Variants in PTCH1 observed in about 807,000 individuals in gnomAD.
The protein encoded by PTCH1 is patched 1, also known as protein patched homolog 1.
PTCH1 carries 14 observed loss-of-function variants against 144.6 expected under a neutral mutation model. The ratio of observed to expected loss-of-function variants is 0.10; its 90% CI spans 0.06 to 0.15. PTCH1 has a LOEUF of 0.15. Ranked by LOEUF, PTCH1 falls within the 10% of genes least tolerant of loss-of-function variation. The pLI is 1.00. For missense variants in PTCH1, 1,623 were observed against 1,948.3 expected, an observed-to-expected ratio of 0.83 and a Z score of 3.14; for synonymous variants, 833 against 793.6, an observed-to-expected ratio of 1.05 and a Z score of -0.83.
chr9:95,489,756 G>A (rs962255858), intron 2 of PTCH1, among the ~76,000 whole-genome samples: 1 of 151,708 alleles, frequency 6.6e-6, no homozygotes, highest in Non-Finnish European at 1.5e-5. Context: ...GTAGGCATAG[G>A]GAACCAAGTT....
chr9:95,516,826 T>C, exon 1 of PTCH1: 1 of 1,594,888 alleles, frequency 6.3e-7, no homozygotes. Flanking sequence ...TCCATGGCCC[T>C]CGGCGTGGGT....
At chr9:95,512,510 G>T (rs778056698), upstream of PTCH1, among the ~76,000 whole-genome samples, 1 of 152,150 alleles carries the variant, frequency 6.6e-6, no homozygotes, top group East Asian at 1.9e-4. Context: ...AAGCCTGCTC[G>T]ACTTGGGTGG....
intron 5 of PTCH1, 28 bp from the exon 6 acceptor site, chr9:95,480,616 A>G (rs1841462154): frequency 1.3e-6 from 2 of 1,596,882 alleles, no homozygotes; most frequent in Admixed American, 1.7e-5. Flanking sequence ...AGACGAGACC[A>G]TGAAAAGAGC....
intron 15 of PTCH1, among the ~76,000 whole-genome samples, chr9:95,465,955 CAGGAGAAAATTT>C (rs1268559214): frequency 6.6e-6 from 1 of 152,302 alleles, no homozygotes; most frequent in African/African-American, 2.4e-5. Context: ...TGCAGTCGGT[CAGGAGAAAATTT>C]AGACTTTTTT....
Position 95,508,869 on chromosome 9 carries a change from A to G in PTCH1, c.-508T>C. On this transcript the variant is annotated 5_prime_UTR_variant, in exon 1 of 24. Transcript: ENST00000331920. ...GGTCGCCCGAGCGGCCGCGGAGGGC[A>G]AGCGCAGAGCCGCCGCCGCCGCGGG... 12 of 968,944 alleles carry G rather than the reference A, an allele frequency of 1.2e-5. No individual in the cohort carries two copies. Among genetic ancestry groups the G allele is most frequent in the Non-Finnish European group, 1.5e-5 (12 of 816,966 alleles). 60.0% of individuals were successfully genotyped at this position (968,944 alleles called of 1,614,324 possible).
At chr9:95,479,910 G>T (rs1841390276) in intron 7 of PTCH1, 59 bp downstream of exon 7, 2 of 1,613,084 alleles carry the variant, frequency 1.2e-6, no homozygotes, top group African/African-American at 1.3e-5. Flanking sequence ...GGAGGGAAGT[G>T]GCTTTTGAGG....
chr9:95,496,729 A>AT (rs1476937521), intron 2 of PTCH1, among the ~76,000 whole-genome samples: 2 of 152,104 alleles, frequency 1.3e-5, no homozygotes, highest in African/African-American at 4.8e-5. Flanking sequence ...CATATTTATC[A>AT]TTTTTTACTT....
chr9:95,481,492 C>T lies in PTCH1; in HGVS notation c.746+457G>A, dbSNP rs926799617. The stretch of plus-strand genomic sequence containing the variant: ...GGCCTTCACAGATAGTGGATTTCCC[C>T]CTTAAATGCCATTAGTGTGATCTAA... On this transcript the variant is annotated intron_variant, in intron 5 of 23. Coordinates refer to ENST00000331920, the MANE Select transcript of PTCH1 (RefSeq NM_000264.5). Among the ~76,000 whole-genome samples the T allele has an allele frequency of 7.9e-5, 12 of 152,288 alleles. No individual in the cohort carries two copies. In the East Asian group the frequency reaches 1.2e-3, roughly 15 times the overall value.
chr9:95,469,738 TC>T, intron 13 of PTCH1, 74 bp downstream of exon 13: 1 of 1,363,884 alleles, frequency 7.3e-7, no homozygotes, highest in Non-Finnish European at 1.0e-6. Flanking sequence ...CCTTTATAAG[TC>T]CACAGGCTGA....
chr9:95,511,479 G>A (rs1220289595), upstream of PTCH1, among the ~76,000 whole-genome samples: 1 of 152,226 alleles, frequency 6.6e-6, no homozygotes, highest in Admixed American at 6.5e-5. Flanking sequence ...GGGTGGAGGT[G>A]TTTGGGGGCG....
rs786204224 is a variant in PTCH1 at position 95,459,705 on chromosome 9, T to C, written c.2782A>G (p.Ser928Gly). ...AFYIYLTAWV[S>G]NDPVAYAASQ... Reference sequence around the variant, plus strand: ...GCAGCATACGCGACGGGGTCGTTGCTGACCCAAGCCGTCAGGTAGATGTAG... The same window carrying C: ...GCAGCATACGCGACGGGGTCGTTGCCGACCCAAGCCGTCAGGTAGATGTAG... Residue 928 changes from serine (S) to glycine (G), a missense_variant, in exon 17 of 24, where the codon AGC becomes GGC. Ser to Gly is a moderately conservative substitution (Grantham distance 56, BLOSUM62 0). Transcript: ENST00000331920. 1.2e-6 allele frequency: 2 copies of C among 1,614,240 alleles called. No individual in the cohort carries two copies. Among genetic ancestry groups the C allele is most frequent in the Admixed American group, 1.7e-5 (1 of 60,034 alleles).
At chr9:95,506,673 C>G in intron 1 of PTCH1, 74 bp from the exon 2 acceptor site, 4 of 1,394,856 alleles carry the variant, frequency 2.9e-6, no homozygotes, top group Non-Finnish European at 3.8e-6. Context: ...CTTGCGCGCA[C>G]CCGCCCGGTG....
In PTCH1 at chr9:95,447,314, G is replaced by T. The variant is rs1406247800; in HGVS notation, c.3942C>A (p.Pro1314=). The T allele has an allele frequency of 6.2e-7, 1 of 1,613,294 alleles. No homozygotes were observed. Among genetic ancestry groups the T allele is most frequent in the Admixed American group, 1.7e-5 (1 of 60,032 alleles). Residue 1314 remains proline (P), a synonymous_variant, in exon 23 of 24, where the codon CCC becomes CCA. Transcript: ENST00000331920. ...AAGCGTCTCTGCGCGGTCTGTAGGG[G>T]GGTGGCCACAAGCCTTCTCTGGGGG... ...RDPPREGLWP[P]PYRPRRDAFE...
intron 19 of PTCH1, among the ~76,000 whole-genome samples, chr9:95,455,952 G>A (rs550065677): frequency 1.3e-5 from 2 of 152,298 alleles, no homozygotes; most frequent in East Asian, 3.9e-4. Context: ...ATGAACAAAC[G>A]TCACAACGTC....
chr9:95,462,052 G>A (rs2136691111), intron 15 of PTCH1, 54 bp from the exon 16 acceptor site: 1 of 1,610,150 alleles, frequency 6.2e-7, no homozygotes, highest in Non-Finnish European at 8.5e-7. Context: ...GAAGGACCCT[G>A]GTCCTAGCGG....
upstream of PTCH1, among the ~76,000 whole-genome samples, chr9:95,511,588 A>C (rs1043430310): frequency 1.3e-5 from 2 of 152,228 alleles, no homozygotes; most frequent in Non-Finnish European, 2.9e-5. Context: ...GCCTCAGGGA[A>C]GGGCTGCGGA....
rs1587700210 is a variant in PTCH1 at position 95,508,173 on chromosome 9, C to A, written c.189G>T (p.Glu63Asp). 6.2e-7 allele frequency: 1 copy of A among 1,612,770 alleles called. No homozygotes were observed. Among genetic ancestry groups the A allele is most frequent in the Non-Finnish European group, 8.5e-7 (1 of 1,179,766 alleles). ...PSYCDAAFAL[E>D]QISKGKATGR... ...GTCTGAAATGCACCTTGGAAATCTG[C>A]TCCAGAGCGAAGGCGGCGTCGCAGT... Residue 63 changes from glutamate to aspartate, a missense_variant, in exon 1 of 24, where the codon GAG (glutamate) becomes GAT (aspartate). Glu to Asp is a conservative substitution (Grantham distance 45, BLOSUM62 2). This residue lies in a region of PTCH1 where 245 missense variants were observed against 240.6 expected (regional missense o/e 1.02). Transcript: ENST00000331920.
chr9:95,466,131 T>G (rs989217720), intron 15 of PTCH1, among the ~76,000 whole-genome samples: 2 of 152,144 alleles, frequency 1.3e-5, no homozygotes, highest in Admixed American at 1.3e-4. Flanking sequence ...CACCGCAACC[T>G]CCACCTCCCA....
chr9:95,447,328 C>T lies in PTCH1; in HGVS notation c.3928G>A (p.Gly1310Ser). ...GGTCTGTAGGGGGGTGGCCACAAGC[C>T]TTCTCTGGGGGGGTCCCTGCGGGGC... ...QQPRRDPPRE[G>S]LWPPPYRPRR... The change falls in exon 23 of 24, where the codon GGC (glycine) becomes AGC (serine). Residue 1310 changes from glycine (G) to serine (S), a missense_variant. This residue lies in a region of PTCH1 where 291 missense variants were observed against 287.4 expected (regional missense o/e 1.01). Coordinates refer to ENST00000331920, the MANE Select transcript of PTCH1 (RefSeq NM_000264.5). The T allele has an allele frequency of 1.2e-6, 2 of 1,613,430 alleles. No individual in the cohort carries two copies. The highest frequency in any genetic ancestry group is 1.7e-6 in the Non-Finnish European group (2 of 1,179,978).
Sources: gnomAD v4.1 joint callset for allele counts (sites outside exome capture counted in the v4.1 genomes callset) on GRCh38, gnomAD v4.1.1 for gene constraint, gnomAD v4.1.1 regional missense constraint, MANE v1.5 for transcripts, NCBI Gene and HGNC (gene_info 2026-07-23, HGNC 2026-07-21) for gene names.